ETS1: variants seen among roughly 807,000 people sequenced by gnomAD.
ETS1 encodes the protein protein C-ets-1.
A neutral mutation model predicts 58.6 loss-of-function variants in ETS1; 15 were observed. That is an observed-to-expected ratio of 0.26 (90% CI 0.17 to 0.39). The LOEUF (loss-of-function observed/expected upper bound fraction) is 0.39, where lower values mean the gene tolerates loss of function less well. ETS1 is among the 10% of genes least tolerant of loss of function. The pLI is 1.00. For missense variants in ETS1, 417 were observed against 610.5 expected (o/e 0.68, Z 3.34); for synonymous variants, 214 against 218.2 (o/e 0.98, Z 0.17).
chr11:128,571,333 C>T (rs909016862), intron 2 of ETS1, among the ~76,000 whole-genome samples: 7 of 151,590 alleles, frequency 4.6e-5, no homozygotes, highest in East Asian at 3.9e-4. Context: ...AGGAGAATGG[C>T]GTGAACCCGG....
rs368982535 is a variant in ETS1 at position 128,463,190 on chromosome 11, C to T, written c.1242+319G>A. Reference sequence around the variant, plus strand: ...GCCTCTTGAACTGTCTGGCCCCTTTCACACTCACAGAGCCACCGGGCTAGG... The same window carrying T: ...GCCTCTTGAACTGTCTGGCCCCTTTTACACTCACAGAGCCACCGGGCTAGG... On this transcript the variant is annotated intron_variant, in intron 9 of 9. Coordinates refer to ENST00000392668, the MANE Select transcript of ETS1 (RefSeq NM_001143820.2). This position sits in a 1 kb window ranked among gnomAD's most constrained non-coding sequence, Gnocchi z 4.1. Among the ~76,000 whole-genome samples the T allele has an allele frequency of 1.3e-5, 2 of 152,320 alleles. No homozygotes were observed. Among genetic ancestry groups the T allele is most frequent in the Admixed American group, 6.5e-5 (1 of 15,302 alleles).
At chr11:128,485,180 A>G in intron 6 of ETS1, 109 bp from the exon 7 acceptor site, 1 of 939,244 alleles carries the variant, frequency 1.1e-6, no homozygotes, top group Non-Finnish European at 1.6e-6. Context: ...TTAGAGAATA[A>G]GGGAAAATAC....
intron 3 of ETS1, among the ~76,000 whole-genome samples, chr11:128,516,459 C>G (rs1017063817): frequency 1.3e-5 from 2 of 152,086 alleles, no homozygotes; most frequent in African/African-American, 2.4e-5. Context: ...AATAAAAACA[C>G]GGAGATGATG....
At chr11:128,557,400 T>C (rs563496349) in intron 2 of ETS1, among the ~76,000 whole-genome samples, 1 of 152,338 alleles carries the variant, frequency 6.6e-6, no homozygotes, top group South Asian at 2.1e-4. Context: ...TGAAATAATG[T>C]ATGAGAAAAT....
chr11:128,491,493 C>T (rs1195885885), intron 3 of ETS1, among the ~76,000 whole-genome samples: 1 of 152,180 alleles, frequency 6.6e-6, no homozygotes, highest in African/African-American at 2.4e-5. Flanking sequence ...AGATGTTTGA[C>T]CTGAATTGTG....
At chr11:128,559,653 C>T (rs1864373179) in intron 2 of ETS1, among the ~76,000 whole-genome samples, 1 of 152,118 alleles carries the variant, frequency 6.6e-6, no homozygotes. Context: ...CCTGAGAAGC[C>T]TTTCATGGTT....
intron 1 of ETS1, among the ~76,000 whole-genome samples, chr11:128,585,417 T>A (rs1054436471): frequency 3.3e-5 from 5 of 152,042 alleles, no homozygotes; most frequent in African/African-American, 1.2e-4. Context: ...TGTGAACAGT[T>A]GGGAATTTTG....
rs73565243 is a variant in ETS1 at position 128,549,665 on chromosome 11, T to C, written c.214+6626A>G. 1.1e-3 allele frequency among the ~76,000 whole-genome samples: 164 copies of C among 152,298 alleles called. 1 individual carries two copies. The highest frequency in any genetic ancestry group is 3.8e-3 in the African/African-American group (158 of 41,566). ...CACTCCACGAACCCAGCCCAGAGGC[T>C]TCGGTTTGTCTGTCTTGGTTTCCTT... On this transcript the variant is annotated intron_variant, in intron 3 of 9. Transcript: ENST00000392668. This position sits in a 1 kb window ranked among gnomAD's most constrained non-coding sequence, Gnocchi z 4.3.
In ETS1 at chr11:128,537,680, C is replaced by T. The variant is rs963315737; in HGVS notation, c.214+18611G>A. Among the ~76,000 whole-genome samples, 5 of 152,098 alleles carry T rather than the reference C, an allele frequency of 3.3e-5. No homozygotes were observed. In the East Asian group the frequency reaches 5.8e-4, roughly 18 times the overall value. On this transcript the variant is annotated intron_variant, in intron 3 of 9. Transcript: ENST00000392668. The stretch of plus-strand genomic sequence containing the variant: ...CCTACTAAATAAGAGCAGCTGGTCA[C>T]GGAACATATATTTCTAATTGTGCTT...
At chr11:128,480,566 A>G in intron 7 of ETS1, 115 bp from the exon 8 acceptor site, 1 of 724,296 alleles carries the variant, frequency 1.4e-6, no homozygotes, top group Non-Finnish European at 2.3e-6. Context: ...TGCAGGAAGG[A>G]CGGAAGAAGG....
At chr11:128,465,963 T>A (rs1221852401) in intron 8 of ETS1, among the ~76,000 whole-genome samples, 1 of 152,192 alleles carries the variant, frequency 6.6e-6, no homozygotes, top group East Asian at 1.9e-4. Flanking sequence ...TTCATCTCAA[T>A]GCTACGTTGC....
intron 3 of ETS1, chr11:128,536,773 G>A (rs1863978877): frequency 6.6e-6 from 1 of 152,174 alleles, no homozygotes; most frequent in South Asian, 2.1e-4. Context: ...GGCTAAGCTG[G>A]CCTTGTAATT....
At chr11:128,571,395 TGACAGAGCGAGACTCCGTCCAGCCTGGGC>T (rs1565414858) in intron 2 of ETS1, among the ~76,000 whole-genome samples, 1,643 of 139,314 alleles carry the variant, frequency 0.012, 187 homozygotes, top group Middle Eastern at 0.033. Flanking sequence ...CCAGCCTGGG[TGACAGAGCGAGACTCCGTCCAGCCTGGGC>T]GACAGAGCGA....
At chr11:128,468,864 G>A (rs1208339913) in intron 8 of ETS1, among the ~76,000 whole-genome samples, 1 of 152,180 alleles carries the variant, frequency 6.6e-6, no homozygotes, top group Admixed American at 6.5e-5. Flanking sequence ...ATTCTTTGCT[G>A]TTGAATGACT....
At chr11:128,503,241 G>A (rs1863137021) in intron 3 of ETS1, among the ~76,000 whole-genome samples, 1 of 152,120 alleles carries the variant, frequency 6.6e-6, no homozygotes, top group Non-Finnish European at 1.5e-5. Flanking sequence ...AACCCATTGG[G>A]AGGGAACTAG....
chr11:128,462,059 G>T lies in ETS1; in HGVS notation c.*302C>A. ...TTTTTCATGGATGATTTTTAAAAATGATTGGACACATTAGTCTCTTTCTCT... is the reference window on the plus strand; with the variant it reads ...TTTTTCATGGATGATTTTTAAAAATTATTGGACACATTAGTCTCTTTCTCT... On this transcript the variant is annotated 3_prime_UTR_variant, in exon 10 of 10. Coordinates refer to ENST00000392668, the MANE Select transcript of ETS1 (RefSeq NM_001143820.2). The T allele has an allele frequency of 3.1e-6, 1 of 318,726 alleles. No individual in the cohort carries two copies. Among genetic ancestry groups the T allele is most frequent in the Non-Finnish European group, 5.9e-6 (1 of 170,926 alleles). The allele number at this position is 318,726 out of a possible 1,614,324, so 19.7% of individuals were successfully genotyped here. A position where few individuals can be genotyped will look rare whatever the true frequency, so the allele number is the denominator to read the frequency against.
At chr11:128,518,573 A>G (rs2135513032) in intron 3 of ETS1, among the ~76,000 whole-genome samples, 1 of 152,316 alleles carries the variant, frequency 6.6e-6, no homozygotes, top group East Asian at 1.9e-4. Context: ...CACAGCTGCT[A>G]AGTGGCCGAG....
intron 8 of ETS1, among the ~76,000 whole-genome samples, chr11:128,471,983 C>T (rs540772975): frequency 1.1e-4 from 17 of 152,304 alleles, no homozygotes; most frequent in Admixed American, 1.0e-3. Flanking sequence ...CCTAAGTGAT[C>T]ATTTGCACAC....
intron 5 of ETS1, among the ~76,000 whole-genome samples, chr11:128,487,860 A>G (rs1267768198): frequency 6.6e-6 from 1 of 151,540 alleles, no homozygotes; most frequent in African/African-American, 2.4e-5. Context: ...GACAAGGACA[A>G]TAATAGGACT....
Sources: allele counts gnomAD v4.1 joint callset (sites outside exome capture counted in the v4.1 genomes callset), GRCh38; gene constraint gnomAD v4.1.1; non-coding constraint Gnocchi (gnomAD v3.1); transcripts MANE v1.5; gene names NCBI Gene and HGNC (gene_info 2026-07-23, HGNC 2026-07-21).